Variants in TPGS2 observed in about 807,000 individuals in gnomAD.
TPGS2 encodes the protein tubulin polyglutamylase complex subunit 2, also known as polyglutamylase subunit 2.
Under a neutral mutation model 31.1 loss-of-function variants are expected in TPGS2, and 26 were observed. The ratio of observed to expected loss-of-function variants is 0.84; its 90% CI spans 0.61 to 1.16. TPGS2 has a LOEUF of 1.16. Ranked by LOEUF, TPGS2 falls within the 50% of genes most tolerant of loss-of-function variation. TPGS2 has a pLI of 0.00. For synonymous variants in TPGS2, 130 were observed against 136.6 expected, an observed-to-expected ratio of 0.95 and a Z score of 0.34; for missense variants, 351 against 363.8, an observed-to-expected ratio of 0.96 and a Z score of 0.29.
downstream of TPGS2, chr18:36,781,859 C>A: frequency 3.0e-6 from 3 of 985,274 alleles, no homozygotes; most frequent in Non-Finnish European, 3.6e-6. Flanking sequence ...ATGTGAACAC[C>A]CCAGGAGAGC....
At position 36,794,881 on chromosome 18, in the gene TPGS2, AC is replaced by A. The variant is rs2044454932; in HGVS notation, c.*1923del. 1 of 973,774 alleles carries A rather than the reference AC, an allele frequency of 1.0e-6. No homozygotes were observed. Among genetic ancestry groups the A allele is most frequent in the Admixed American group, 6.7e-5 (1 of 14,920 alleles). 60.3% of individuals were successfully genotyped at this position (973,774 alleles called of 1,614,324 possible). ...CACACACACACACACACACACACAC[AC>A]GTTTAAATGACCACACTGAATTATA... On this transcript the variant is annotated 3_prime_UTR_variant, in exon 7 of 7. Coordinates refer to ENST00000334295, the MANE Select transcript of TPGS2 (RefSeq NM_015476.4).
intron 2 of TPGS2, among the ~76,000 whole-genome samples, chr18:36,810,842 A>G (rs1054872868): frequency 2.0e-5 from 3 of 152,180 alleles, no homozygotes; most frequent in Non-Finnish European, 4.4e-5. Context: ...GCTATCAACA[A>G]GATTCCAGAA....
chr18:36,809,008 G>GGCTT (rs1464732888), intron 2 of TPGS2, among the ~76,000 whole-genome samples: 1 of 152,132 alleles, frequency 6.6e-6, no homozygotes, highest in African/African-American at 2.4e-5. Flanking sequence ...CCAAGCTTGT[G>GGCTT]GCTTACTGGA....
At chr18:36,811,065 C>T (rs1490079761) in intron 2 of TPGS2, among the ~76,000 whole-genome samples, 1 of 152,242 alleles carries the variant, frequency 6.6e-6, no homozygotes, top group Non-Finnish European at 1.5e-5. Flanking sequence ...TGAGCTGGCT[C>T]TCTGGCTGGT....
chr18:36,807,011 G>C (rs563296539), intron 3 of TPGS2, among the ~76,000 whole-genome samples: 8 of 151,652 alleles, frequency 5.3e-5, no homozygotes, highest in African/African-American at 1.9e-4. Flanking sequence ...CAGTACAACA[G>C]AAGTCACTGC....
At chr18:36,781,642 C>CA (rs1436547082), downstream of TPGS2, among the ~76,000 whole-genome samples, 4 of 151,794 alleles carry the variant, frequency 2.6e-5, no homozygotes, top group Admixed American at 6.6e-5. Context: ...ACTCTGTCTC[C>CA]AAAAAAATAA....
Position 36,828,816 on chromosome 18 carries a change from C to T in TPGS2, c.-49G>A. On this transcript the variant is annotated 5_prime_UTR_variant, in exon 1 of 7. Transcript: ENST00000334295. ...CGGCGGGAGCGGGTGGAGGGCCGGA[C>T]CCCGCCTCAGCGCCGAGGCCAATTT... The T allele has an allele frequency of 1.3e-6, 2 of 1,598,076 alleles. No individual in the cohort carries two copies. Among genetic ancestry groups the T allele is most frequent in the Non-Finnish European group, 1.7e-6 (2 of 1,170,182 alleles).
chr18:36,809,944 G>A (rs949871599), intron 2 of TPGS2, among the ~76,000 whole-genome samples: 1 of 151,744 alleles, frequency 6.6e-6, no homozygotes, highest in African/African-American at 2.4e-5. Context: ...ATAAGTTTTG[G>A]TATTATTTTA....
intron 6 of TPGS2, among the ~76,000 whole-genome samples, chr18:36,785,456 CT>C (rs1387419097): frequency 6.6e-6 from 1 of 152,136 alleles, no homozygotes; most frequent in Admixed American, 6.5e-5. Context: ...AGTGCAAAAT[CT>C]TTTTTTGTGC....
chr18:36,816,100 C>A (rs2045642806), intron 2 of TPGS2, among the ~76,000 whole-genome samples: 1 of 152,164 alleles, frequency 6.6e-6, no homozygotes, highest in African/African-American at 2.4e-5. Context: ...GGTACCTTCA[C>A]AAGTATTCTC....
chr18:36,786,711 G>A (rs2044139450), intron 6 of TPGS2: 3 of 843,164 alleles, frequency 3.6e-6, no homozygotes, highest in Non-Finnish European at 4.7e-6. Flanking sequence ...GATGAGGTGT[G>A]TCTGACCTCC....
chr18:36,828,850 G>A lies in TPGS2; in HGVS notation c.-83C>T. On this transcript the variant is annotated 5_prime_UTR_variant, in exon 1 of 7. Coordinates refer to ENST00000334295, the MANE Select transcript of TPGS2 (RefSeq NM_015476.4). ...AGCGCCGAGGCCAATTTCATGGCATGCCGGGAACGGTAGTTCTCGGCGCCT... is the reference window on the plus strand; with the variant it reads ...AGCGCCGAGGCCAATTTCATGGCATACCGGGAACGGTAGTTCTCGGCGCCT... The A allele has an allele frequency of 6.6e-7, 1 of 1,520,896 alleles. No individual in the cohort carries two copies. The highest frequency in any genetic ancestry group is 9.0e-7 in the Non-Finnish European group (1 of 1,112,362). The allele number at this position is 1,520,896 out of a possible 1,614,324, so 94.2% of individuals were successfully genotyped here.
intron 1 of TPGS2, 128 bp downstream of exon 1, chr18:36,828,554 CG>C: frequency 1.0e-6 from 1 of 992,290 alleles, no homozygotes; most frequent in South Asian, 1.6e-5. Flanking sequence ...TCTGTAACAA[CG>C]GAAGTCCCAG....
intron 4 of TPGS2, 143 bp downstream of exon 4, chr18:36,805,231 C>T: frequency 1.0e-6 from 1 of 984,770 alleles, no homozygotes; most frequent in South Asian, 1.7e-5. Context: ...GTCATGTTCC[C>T]TGAATCCTCT....
At chr18:36,823,971 G>T (rs1428235616) in intron 1 of TPGS2, 6 of 632,448 alleles carry the variant, frequency 9.5e-6, no homozygotes, top group African/African-American at 8.0e-5. Context: ...TTTATAAAGT[G>T]ATTTTTATAT....
chr18:36,807,752 C>T, intron 3 of TPGS2, 95 bp downstream of exon 3: 3 of 1,141,966 alleles, frequency 2.6e-6, no homozygotes, highest in South Asian at 2.8e-5. Flanking sequence ...TGAAAACCAT[C>T]CAGATTCAAA....
intron 1 of TPGS2, chr18:36,823,854 CTCA>C: frequency 1.0e-6 from 1 of 985,362 alleles, no homozygotes; most frequent in Non-Finnish European, 1.2e-6. Flanking sequence ...GGTGTGGTAT[CTCA>C]TCATCTTCAC....
At position 36,794,465 on chromosome 18, in the gene TPGS2, T is replaced by A; in HGVS notation, c.*2340A>T. On this transcript the variant is annotated 3_prime_UTR_variant, in exon 7 of 7. Transcript: ENST00000334295. ...TTCCTCCGCTGCTTCACTTGTGGAA[T>A]CCAGGGCTGATTTAGAAATGCTGTG... The A allele has an allele frequency of 1.0e-6, 1 of 985,458 alleles. No individual in the cohort carries two copies. Among genetic ancestry groups the A allele is most frequent in the Non-Finnish European group, 1.2e-6 (1 of 829,948 alleles). 61.0% of individuals were successfully genotyped at this position (985,458 alleles called of 1,614,324 possible).
chr18:36,812,787 G>A (rs1456313660), intron 2 of TPGS2, among the ~76,000 whole-genome samples: 2 of 152,164 alleles, frequency 1.3e-5, no homozygotes, highest in Non-Finnish European at 2.9e-5. Context: ...TAACCTATGG[G>A]ATCTGATGCT....
Sources: gnomAD v4.1 joint callset for allele counts (sites outside exome capture counted in the v4.1 genomes callset) on GRCh38, gnomAD v4.1.1 for gene constraint, MANE v1.5 for transcripts, NCBI Gene and HGNC (gene_info 2026-07-23, HGNC 2026-07-21) for gene names.